HS2ST1: variants seen among roughly 807,000 people sequenced by gnomAD.
HS2ST1 encodes heparan sulfate 2-O-sulfotransferase 1.
In HS2ST1, 18 loss-of-function variants were observed where a neutral mutation model predicts 42.9. That is an observed-to-expected ratio of 0.42 (90% CI 0.29 to 0.62). The LOEUF is 0.62. Among genes scored for constraint, HS2ST1 ranks in the 20% least tolerant of loss-of-function variants. The probability of loss-of-function intolerance (pLI) is 0.21; values close to 1 mark genes in which losing one functional copy is unlikely to be tolerated. For missense variants in HS2ST1, 334 were observed against 433.8 expected, an observed-to-expected ratio of 0.77 and a Z score of 2.04; for synonymous variants, 146 against 152.9, an observed-to-expected ratio of 0.95 and a Z score of 0.33.
chr1:86,990,217 A>G (rs899080552), intron 1 of HS2ST1, among the ~76,000 whole-genome samples: 1 of 152,136 alleles, frequency 6.6e-6, no homozygotes, highest in Non-Finnish European at 1.5e-5. Context: ...CTTATTTTTA[A>G]ATGCAGTTCT....
chr1:87,033,636 C>A (rs369194467), intron 1 of HS2ST1, among the ~76,000 whole-genome samples: 1 of 151,960 alleles, frequency 6.6e-6, no homozygotes, highest in Non-Finnish European at 1.5e-5. Flanking sequence ...CTCCGCCTTC[C>A]GGGTTCAAGC....
intron 1 of HS2ST1, among the ~76,000 whole-genome samples, chr1:86,928,146 C>T (rs1660460521): frequency 1.3e-5 from 2 of 152,166 alleles, no homozygotes; most frequent in Admixed American, 6.5e-5. Flanking sequence ...GTTGTAAATT[C>T]TGCCCTATTT....
chr1:87,085,719 C>T (rs2100645272), intron 3 of HS2ST1, among the ~76,000 whole-genome samples: 1 of 152,320 alleles, frequency 6.6e-6, no homozygotes, highest in South Asian at 2.1e-4. Context: ...GTTACCCTTT[C>T]ACCTAAATGA....
intron 2 of HS2ST1, 67 bp from the exon 3 acceptor site, chr1:87,084,127 A>G (rs1006375390): frequency 3.0e-6 from 3 of 1,007,186 alleles, no homozygotes; most frequent in African/African-American, 3.3e-5. Flanking sequence ...TATCTTGGAA[A>G]TATTTTGCTA....
chr1:86,942,019 C>G (rs1008688962), intron 1 of HS2ST1, among the ~76,000 whole-genome samples: 1 of 152,184 alleles, frequency 6.6e-6, no homozygotes, highest in Non-Finnish European at 1.5e-5. Flanking sequence ...AAAACCAGTT[C>G]TGCATCTGGA....
chr1:86,963,098 A>G (rs79462471), intron 1 of HS2ST1, among the ~76,000 whole-genome samples: 3,645 of 152,128 alleles, frequency 0.024, 47 homozygotes, highest in South Asian at 0.053. Context: ...AGAAAGTTCG[A>G]ATTTTTTTTC....
chr1:87,020,947 A>G (rs898924944), intron 1 of HS2ST1, among the ~76,000 whole-genome samples: 4 of 152,190 alleles, frequency 2.6e-5, no homozygotes, highest in African/African-American at 9.6e-5. Flanking sequence ...GCCTCATTCT[A>G]TAGGTACATC....
At chr1:87,072,843 G>T in intron 1 of HS2ST1, 91 bp from the exon 2 acceptor site, 9 of 876,794 alleles carry the variant, frequency 1.0e-5, no homozygotes, top group South Asian at 3.4e-5. Context: ...TTTCTTTTTT[G>T]TATCTTTTCT....
intron 1 of HS2ST1, among the ~76,000 whole-genome samples, chr1:87,010,140 C>A (rs1360606984): frequency 1.3e-5 from 2 of 151,892 alleles, no homozygotes; most frequent in Non-Finnish European, 2.9e-5. Flanking sequence ...CAAATGAAAG[C>A]AAGAAATGTA....
chr1:86,983,900 C>T (rs56703817), intron 1 of HS2ST1, among the ~76,000 whole-genome samples: 3,588 of 152,062 alleles, frequency 0.024, 72 homozygotes, highest in African/African-American at 0.049. Flanking sequence ...ATTAGCTGGG[C>T]GCGGTGGCGG....
intron 1 of HS2ST1, among the ~76,000 whole-genome samples, chr1:86,952,701 C>CT (rs1647559251): frequency 6.6e-6 from 1 of 152,174 alleles, no homozygotes; most frequent in African/African-American, 2.4e-5. Flanking sequence ...TGAGAGGAAT[C>CT]TTTTTTCCTG....
At chr1:87,090,003 G>A (rs1651902726) in intron 3 of HS2ST1, among the ~76,000 whole-genome samples, 1 of 152,140 alleles carries the variant, frequency 6.6e-6, no homozygotes, top group East Asian at 1.9e-4. Context: ...GGAGAGGATA[G>A]AGAGGATTCC....
rs1648342629 is a variant in HS2ST1 at position 86,974,732 on chromosome 1, A to T, written c.124+59572A>T. ...GCAGAGAATTGGAGCATTGCTTGGT[A>T]TGGAAAACCCACACATTAAGACCCA... is the stretch of plus-strand genomic sequence containing the variant. On this transcript the variant is annotated intron_variant, in intron 1 of 6. Coordinates refer to ENST00000370550, the MANE Select transcript of HS2ST1 (RefSeq NM_012262.4). Among the ~76,000 whole-genome samples the T allele has an allele frequency of 3.3e-5, 5 of 152,202 alleles. No individual in the cohort carries two copies. The South Asian group carries it at 1.0e-3, about 31-fold the overall frequency.
chr1:87,073,040 T>C lies in HS2ST1; in HGVS notation c.231T>C (p.Ile77=), dbSNP rs1267156239. The change falls in exon 2 of 7, where the codon ATT becomes ATC. Residue 77 remains isoleucine, a synonymous_variant. Transcript: ENST00000370550. ...ATGAGGAAGAGGACATGGTGATCAT[T>C]TATAACAGAGTTCCCAAAACGGCAA... The part of the protein sequence containing the change: ...TLDEEEDMVI[I]YNRVPKTAST... 2.5e-6 allele frequency: 4 copies of C among 1,614,074 alleles called. No individual in the cohort carries two copies. Among genetic ancestry groups the C allele is most frequent in the Middle Eastern group, 1.6e-4 (1 of 6,062 alleles).
chr1:87,024,105 G>A lies in HS2ST1; in HGVS notation c.125-48829G>A, dbSNP rs567344994. ...ATAGGTATTAACAATTTAAAGAGCA[G>A]TGTCTTAAAGACTTTTGGTGGTGGT... On this transcript the variant is annotated intron_variant, in intron 1 of 6. Transcript: ENST00000370550. 5.3e-5 allele frequency among the ~76,000 whole-genome samples: 8 copies of A among 152,290 alleles called. No homozygotes were observed. The East Asian group carries it at 1.5e-3, about 29-fold the overall frequency.
intron 1 of HS2ST1, among the ~76,000 whole-genome samples, chr1:86,968,655 C>T (rs1310016566): frequency 6.6e-6 from 1 of 152,068 alleles, no homozygotes; most frequent in Admixed American, 6.6e-5. Context: ...TTCCTCCTAC[C>T]TCCGCCTTCC....
chr1:87,034,987 A>G (rs968377573), intron 1 of HS2ST1, among the ~76,000 whole-genome samples: 1 of 152,188 alleles, frequency 6.6e-6, no homozygotes, highest in Non-Finnish European at 1.5e-5. Context: ...AGAGTCCTAA[A>G]GAAATGTAAT....
chr1:87,089,832 G>GT (rs1651898352), intron 3 of HS2ST1, among the ~76,000 whole-genome samples: 2 of 152,154 alleles, frequency 1.3e-5, no homozygotes, highest in South Asian at 4.1e-4. Flanking sequence ...AGCAAAAAGA[G>GT]TTTTGTAAAA....
chr1:86,958,871 TA>T (rs1263729399), intron 1 of HS2ST1, among the ~76,000 whole-genome samples: 1 of 152,160 alleles, frequency 6.6e-6, no homozygotes, highest in East Asian at 1.9e-4. Context: ...CAAAAATGTA[TA>T]AAAAGAATTA....
Sources: gnomAD v4.1 joint callset for allele counts (sites outside exome capture counted in the v4.1 genomes callset) on GRCh38, gnomAD v4.1.1 for gene constraint, MANE v1.5 for transcripts, NCBI Gene and HGNC (gene_info 2026-07-23, HGNC 2026-07-21) for gene names.